Variants in FMN1 observed in about 807,000 individuals in gnomAD.
FMN1 encodes the protein formin 1, also known as formin-1.
Under a neutral mutation model 132.4 loss-of-function variants are expected in FMN1, and 110 were observed. The observed-to-expected ratio is 0.83, with a 90% confidence interval of 0.71 to 0.97. The LOEUF is 0.97. Ranked by LOEUF, FMN1 falls within the 50% of genes least tolerant of loss-of-function variation. FMN1 has a pLI of 0.00. For missense variants in FMN1, 1,792 were observed against 1,705.3 expected (o/e 1.05, Z -0.90); for synonymous variants, 722 against 651.7 (o/e 1.11, Z -1.64).
chr15:33,077,369 A>T (rs574398360), intron 5 of FMN1, among the ~76,000 whole-genome samples: 6,786 of 140,322 alleles, frequency 0.048, 200 homozygotes, highest in Non-Finnish European at 0.068. Flanking sequence ...ATATATATAT[A>T]TTTTTTTTAT....
intron 4 of FMN1, among the ~76,000 whole-genome samples, chr15:33,113,441 T>A (rs1051664350): frequency 3.9e-5 from 6 of 152,144 alleles, no homozygotes; most frequent in Admixed American, 3.9e-4. Context: ...GTTGTTGTCT[T>A]ATACTGTTTA....
At chr15:33,192,275 C>T (rs571739485) in intron 2 of FMN1, among the ~76,000 whole-genome samples, 1 of 152,318 alleles carries the variant, frequency 6.6e-6, no homozygotes, top group East Asian at 1.9e-4. Flanking sequence ...ATCATCACAT[C>T]AAGTTCCAGT....
At chr15:32,946,157 C>T (rs1049075619) in intron 9 of FMN1, among the ~76,000 whole-genome samples, 13 of 152,126 alleles carry the variant, frequency 8.5e-5, no homozygotes, top group African/African-American at 2.7e-4. Flanking sequence ...TTAGGGTTTG[C>T]GGTGTTATGT....
intron 10 of FMN1, among the ~76,000 whole-genome samples, chr15:32,918,587 T>A (rs564072271): frequency 6.6e-6 from 1 of 152,286 alleles, no homozygotes; most frequent in Non-Finnish European, 1.5e-5. Flanking sequence ...GCCCAAGGTC[T>A]CCTTTTACAG....
chr15:32,880,394 A>G (rs995029638), intron 16 of FMN1, among the ~76,000 whole-genome samples: 1 of 152,146 alleles, frequency 6.6e-6, no homozygotes, highest in Non-Finnish European at 1.5e-5. Context: ...GTTCAGATAT[A>G]TTAGATGTAT....
intron 9 of FMN1, among the ~76,000 whole-genome samples, chr15:32,955,839 G>A (rs978081873): frequency 3.3e-5 from 5 of 152,070 alleles, no homozygotes; most frequent in East Asian, 1.9e-4. Context: ...GTGCGCGCAC[G>A]TGTCTGTGTG....
At chr15:32,899,876 A>C (rs2060253582) in intron 14 of FMN1, 103 bp downstream of exon 14, 2 of 1,098,242 alleles carry the variant, frequency 1.8e-6, no homozygotes, top group Admixed American at 4.4e-5. Context: ...TGTTAAGGGG[A>C]GGATAGAGAT....
chr15:33,185,227 T>G (rs554909951), intron 2 of FMN1, among the ~76,000 whole-genome samples: 72 of 152,328 alleles, frequency 4.7e-4, no homozygotes, highest in African/African-American at 1.3e-3. Flanking sequence ...TTTTGGAGGT[T>G]GTCAATAAAA....
intron 6 of FMN1, among the ~76,000 whole-genome samples, chr15:33,030,712 T>C (rs184761600): frequency 1.3e-5 from 2 of 152,338 alleles, no homozygotes; most frequent in East Asian, 3.9e-4. Flanking sequence ...CTGTTAGTTA[T>C]AATTGTAAAA....
intron 4 of FMN1, among the ~76,000 whole-genome samples, chr15:33,112,600 T>C (rs1400714567): frequency 6.6e-6 from 1 of 152,066 alleles, no homozygotes; most frequent in East Asian, 1.9e-4. Context: ...TCCAAAGATA[T>C]TAGAGGCAAG....
Position 33,049,882 on chromosome 15 carries a change from C to T in FMN1, c.2161+15075G>A, listed in dbSNP as rs566031873. Among the ~76,000 whole-genome samples, 6 of 152,332 alleles carry T rather than the reference C, an allele frequency of 3.9e-5. No individual in the cohort carries two copies. The South Asian group carries it at 8.3e-4, about 21-fold the overall frequency. ...CCACCACATGGCTGCACTGGAGTCT[C>T]CCTGATTCTGCCATGATTCTAGGGG... On this transcript the variant is annotated intron_variant, in intron 6 of 20. Transcript: ENST00000616417.
intron 4 of FMN1, among the ~76,000 whole-genome samples, chr15:33,117,512 A>G (rs576675502): frequency 6.6e-6 from 1 of 152,336 alleles, no homozygotes; most frequent in African/African-American, 2.4e-5. Flanking sequence ...ATTTAACCTT[A>G]ATATGCTTTT....
chr15:33,071,922 A>T (rs957985754), intron 5 of FMN1, among the ~76,000 whole-genome samples: 1 of 152,216 alleles, frequency 6.6e-6, no homozygotes, highest in Non-Finnish European at 1.5e-5. Flanking sequence ...CTCAGTATCT[A>T]TGTGCTGAAA....
intron 15 of FMN1, among the ~76,000 whole-genome samples, chr15:32,895,399 A>G (rs2060129678): frequency 6.6e-6 from 1 of 152,142 alleles, no homozygotes; most frequent in Non-Finnish European, 1.5e-5. Flanking sequence ...TTGCCCATAA[A>G]GCATACATGT....
chr15:33,085,987 C>T (rs1244870180), intron 5 of FMN1, among the ~76,000 whole-genome samples: 6 of 152,104 alleles, frequency 3.9e-5, no homozygotes, highest in Non-Finnish European at 8.8e-5. Flanking sequence ...TGCGGTGGCT[C>T]ACGCCTGTAA....
chr15:32,977,057 T>G (rs2032267769), intron 7 of FMN1, among the ~76,000 whole-genome samples: 1 of 152,216 alleles, frequency 6.6e-6, no homozygotes, highest in South Asian at 2.1e-4. Context: ...ATTTTGAATA[T>G]CAGATGACTC....
intron 15 of FMN1, among the ~76,000 whole-genome samples, chr15:32,893,011 A>C (rs1371062425): frequency 1.3e-5 from 2 of 152,188 alleles, no homozygotes; most frequent in African/African-American, 2.4e-5. Context: ...GGGCTTGTAA[A>C]ACATGGTTCT....
rs983519546 is a variant in FMN1, at chr15:32,767,119, G to A, written c.*7191C>T. On this transcript the variant is annotated 3_prime_UTR_variant, in exon 21 of 21. Coordinates refer to ENST00000616417, the MANE Select transcript of FMN1 (RefSeq NM_001277313.2). ...GAATTTCCACGGAAAAGCTGTCCAC[G>A]ATACGACCATGGCAAAAAATCACCA... 1 of 152,178 alleles carries A rather than the reference G, an allele frequency of 6.6e-6. No individual in the cohort carries two copies. The highest frequency in any genetic ancestry group is 2.4e-5 in the African/African-American group (1 of 41,424). 9.4% of individuals were successfully genotyped at this position (152,178 alleles called of 1,614,324 possible). A position where few individuals can be genotyped will look rare whatever the true frequency, so the allele number is the denominator to read the frequency against.
chr15:33,051,286 G>A (rs1420136031), intron 6 of FMN1, among the ~76,000 whole-genome samples: 1 of 152,166 alleles, frequency 6.6e-6, no homozygotes, highest in Non-Finnish European at 1.5e-5. Context: ...TCTGGGAAAG[G>A]TTAAGGTGAA....
Sources: allele counts gnomAD v4.1 joint callset (sites outside exome capture counted in the v4.1 genomes callset), GRCh38; gene constraint gnomAD v4.1.1; transcripts MANE v1.5; gene names NCBI Gene and HGNC (gene_info 2026-07-23, HGNC 2026-07-21).